The following GAS2 variants were observed in gnomAD, a reference collection of about 807,000 sequenced individuals.
The protein encoded by GAS2 is growth arrest specific 2.
In GAS2, 20 loss-of-function variants were observed where a neutral mutation model predicts 37.5. That is an observed-to-expected ratio of 0.53 (90% confidence interval 0.37 to 0.77). The LOEUF (loss-of-function observed/expected upper bound fraction) is 0.77, where lower values mean the gene tolerates loss of function less well. GAS2 is among the 30% of genes least tolerant of loss of function. The pLI is 0.00. For synonymous variants in GAS2, 144 were observed against 132.2 expected (o/e 1.09, Z -0.61); for missense variants, 336 against 373.4 (o/e 0.90, Z 0.82).
intron 7 of GAS2, among the ~76,000 whole-genome samples, chr11:22,782,107 G>T (rs1260035776): frequency 6.6e-6 from 1 of 152,108 alleles, no homozygotes; most frequent in African/African-American, 2.4e-5. Context: ...TGCAAATATT[G>T]GAAGGAATTG....
chr11:22,746,529 A>G (rs1186326637), intron 5 of GAS2, among the ~76,000 whole-genome samples: 2 of 152,196 alleles, frequency 1.3e-5, no homozygotes, highest in Non-Finnish European at 2.9e-5. Context: ...CATAGAAAAG[A>G]ATGAAATCAT....
intron 7 of GAS2, among the ~76,000 whole-genome samples, chr11:22,779,605 G>A (rs1367695887): frequency 6.6e-6 from 1 of 152,108 alleles, no homozygotes; most frequent in Non-Finnish European, 1.5e-5. Flanking sequence ...GGCTGAGACA[G>A]GAAAATTGCT....
chr11:22,667,031 A>C (rs1159503560), intron 1 of GAS2, 132 bp downstream of exon 1: 1 of 152,262 alleles, frequency 6.6e-6, no homozygotes, highest in Non-Finnish European at 1.5e-5. Flanking sequence ...GTCATTAAAA[A>C]ATAACCTCAG....
intron 3 of GAS2, among the ~76,000 whole-genome samples, chr11:22,716,806 T>C (rs114389556): frequency 0.027 from 4,084 of 152,154 alleles, 177 homozygotes; most frequent in African/African-American, 0.094. Flanking sequence ...AGTTTTAGCA[T>C]ACAAAATCAA....
At chr11:22,761,930 ACTAATGTGATCTGCAAGCTC>A (rs1436487210) in intron 7 of GAS2, among the ~76,000 whole-genome samples, 1 of 152,174 alleles carries the variant, frequency 6.6e-6, no homozygotes, top group African/African-American at 2.4e-5. Flanking sequence ...GATTCAATAT[ACTAATGTGATCTGCAAGCTC>A]CTAGAGGGAA....
chr11:22,705,895 A>G (rs1851092112), intron 3 of GAS2, among the ~76,000 whole-genome samples: 2 of 152,216 alleles, frequency 1.3e-5, no homozygotes, highest in Admixed American at 1.3e-4. Flanking sequence ...GATATTTTAG[A>G]TTATTCTGAA....
chr11:22,742,903 A>C (rs1853167118), intron 5 of GAS2, among the ~76,000 whole-genome samples: 1 of 152,094 alleles, frequency 6.6e-6, no homozygotes, highest in Non-Finnish European at 1.5e-5. Flanking sequence ...ACCTAATTTA[A>C]GTTTCAAATA....
At chr11:22,789,454 A>ATTT (rs1564889929) in intron 7 of GAS2, among the ~76,000 whole-genome samples, 17 of 61,188 alleles carry the variant, frequency 2.8e-4, no homozygotes, top group Admixed American at 4.2e-4. Flanking sequence ...ATATATATAT[A>ATTT]TTCTTTTTTT....
At chr11:22,637,514 T>C in intron 1 of GAS2, among the ~76,000 whole-genome samples, 1 of 14,488 alleles carries the variant, frequency 6.9e-5, no homozygotes, top group Non-Finnish European at 9.6e-5. Flanking sequence ...CTTAATATAA[T>C]ATTAATTATA....
intron 7 of GAS2, among the ~76,000 whole-genome samples, chr11:22,809,775 T>C (rs2134695391): frequency 6.6e-6 from 1 of 151,992 alleles, no homozygotes; most frequent in South Asian, 2.1e-4. Context: ...ATTACAGGCA[T>C]GAGCCACCAC....
chr11:22,650,128 C>T lies in GAS2; in HGVS notation c.-21+24315C>T, dbSNP rs1172097557. 1.1e-4 allele frequency among the ~76,000 whole-genome samples: 17 copies of T among 152,036 alleles called. No individual in the cohort carries two copies. In the East Asian group the frequency reaches 1.7e-3, roughly 16 times the overall value. On this transcript the variant is annotated intron_variant, in intron 1 of 5. Transcript: ENST00000528582. ...TTCTGGTATGTTGTGTCTTTTTTCT[C>T]GTTGGTTTCAAAGAACATCTTTATT...
intron 1 of GAS2, among the ~76,000 whole-genome samples, chr11:22,645,823 T>C (rs1345289748): frequency 6.8e-6 from 1 of 146,568 alleles, no homozygotes; most frequent in African/African-American, 2.5e-5. Context: ...GTATTTGTTT[T>C]CTTTTCTTTT....
intron 3 of GAS2, among the ~76,000 whole-genome samples, chr11:22,713,092 A>G (rs557658545): frequency 6.6e-6 from 1 of 151,344 alleles, no homozygotes; most frequent in African/African-American, 2.4e-5. Flanking sequence ...AAAAGAAAAG[A>G]AAGGAAAAAA....
At chr11:22,635,140 C>G (rs1858804144) in intron 1 of GAS2, among the ~76,000 whole-genome samples, 2 of 152,290 alleles carry the variant, frequency 1.3e-5, no homozygotes, top group Non-Finnish European at 2.9e-5. Context: ...ACTCTGGTGT[C>G]TCAGGCAATG....
chr11:22,754,608 C>T (rs4923024), intron 6 of GAS2, among the ~76,000 whole-genome samples: 38 of 149,948 alleles, frequency 2.5e-4, no homozygotes, highest in Admixed American at 1.0e-3. Context: ...GGTTTTTTTC[C>T]TTTTTTTTTG....
At chr11:22,724,366 T>A (rs1484143616) in intron 3 of GAS2, among the ~76,000 whole-genome samples, 1 of 152,000 alleles carries the variant, frequency 6.6e-6, no homozygotes, top group Non-Finnish European at 1.5e-5. Context: ...TGTATTTTTG[T>A]TTTTTGCTAT....
chr11:22,718,967 G>A lies in GAS2; in HGVS notation c.268-7325G>A, dbSNP rs558751358. 1.8e-4 allele frequency among the ~76,000 whole-genome samples: 28 copies of A among 152,096 alleles called. 1 individual carries two copies. The highest frequency in any genetic ancestry group is 9.2e-4 in the Admixed American group (14 of 15,246). On this transcript the variant is annotated intron_variant, in intron 3 of 7. Coordinates refer to ENST00000454584, the MANE Select transcript of GAS2 (RefSeq NM_001143830.3). ...AAACTTCCTATACTTTCCCCTTTGC[G>A]AAGCATTTGATACTTCTCAAACTAT...
intron 3 of GAS2, among the ~76,000 whole-genome samples, chr11:22,691,108 T>A (rs766151938): frequency 1.9e-4 from 29 of 149,526 alleles, no homozygotes; most frequent in Non-Finnish European, 3.4e-4. Context: ...TTGAAGCAGA[T>A]GAAGGAGGGG....
intron 7 of GAS2, among the ~76,000 whole-genome samples, chr11:22,776,610 A>T (rs971438546): frequency 6.6e-6 from 1 of 152,204 alleles, no homozygotes; most frequent in Non-Finnish European, 1.5e-5. Flanking sequence ...TTCTGTTAAA[A>T]TTTTATATAA....
Sources: gnomAD v4.1 joint callset for allele counts (sites outside exome capture counted in the v4.1 genomes callset) on GRCh38, gnomAD v4.1.1 for gene constraint, MANE v1.5 for transcripts, NCBI Gene and HGNC (gene_info 2026-07-23, HGNC 2026-07-21) for gene names.